Variants in PTGER4 observed in about 807,000 individuals in gnomAD.
PTGER4 encodes prostaglandin E receptor 4, also known as prostaglandin E2 receptor EP4 subtype.
In PTGER4, 11 loss-of-function variants were observed where a neutral mutation model predicts 33.2. That is an observed-to-expected ratio of 0.33 (90% CI 0.21 to 0.55). The LOEUF (loss-of-function observed/expected upper bound fraction) is 0.55, where lower values mean the gene tolerates loss of function less well. Ranked by LOEUF, PTGER4 falls within the 20% of genes least tolerant of loss-of-function variation. The pLI, the probability that PTGER4 is intolerant of heterozygous loss-of-function variation, is 0.92. For missense variants in PTGER4, 481 were observed against 650.2 expected (o/e 0.74, Z 2.83); for synonymous variants, 275 against 281.5 (o/e 0.98, Z 0.23).
chr5:40,738,557 TAAAATAAAATATAAA>T, the PTGER4 span, among the ~76,000 whole-genome samples: 1 of 129,856 alleles, frequency 7.7e-6, no homozygotes, highest in African/African-American at 2.8e-5. Context: ...TAAAATAAAA[TAAAATAAAATATAAA>T]ATAAAATAAA....
At chr5:40,690,937 G>T (rs943312643) in intron 2 of PTGER4, among the ~76,000 whole-genome samples, 10 of 152,214 alleles carry the variant, frequency 6.6e-5, no homozygotes, top group Non-Finnish European at 1.5e-4. Context: ...CTCTAGGGAA[G>T]ATAATCATAA....
At chr5:40,725,123 C>T in the PTGER4 span, among the ~76,000 whole-genome samples, 1 of 151,586 alleles carries the variant, frequency 6.6e-6, no homozygotes, top group African/African-American at 2.4e-5. Context: ...GCTGGGATTA[C>T]AGGCATGAGC....
At chr5:40,688,235 CT>C (rs1741376484) in intron 2 of PTGER4, among the ~76,000 whole-genome samples, 1 of 152,110 alleles carries the variant, frequency 6.6e-6, no homozygotes, top group Non-Finnish European at 1.5e-5. Flanking sequence ...CAGGTTCAGA[CT>C]TAACCAAAAT....
At chr5:40,715,450 A>C in the PTGER4 span, 1 of 152,340 alleles carries the variant, frequency 6.6e-6, no homozygotes, top group African/African-American at 2.4e-5. Flanking sequence ...CAATTAAAAA[A>C]TAAAACCATC....
the PTGER4 span, among the ~76,000 whole-genome samples, chr5:40,712,755 A>C: frequency 6.6e-6 from 1 of 152,142 alleles, no homozygotes; most frequent in African/African-American, 2.4e-5. Flanking sequence ...AAGTGAGAGA[A>C]AGAGATTAGA....
intron 2 of PTGER4, among the ~76,000 whole-genome samples, chr5:40,688,614 C>T (rs1741389478): frequency 6.6e-6 from 1 of 152,206 alleles, no homozygotes; most frequent in African/African-American, 2.4e-5. Context: ...TCCTAAGTTC[C>T]TCAAAACCTC....
the PTGER4 span, among the ~76,000 whole-genome samples, chr5:40,725,403 A>C: frequency 6.6e-6 from 1 of 152,228 alleles, no homozygotes; most frequent in Non-Finnish European, 1.5e-5. Flanking sequence ...AAATGATGCA[A>C]CTGAAATTTC....
At chr5:40,743,914 A>T in the PTGER4 span, among the ~76,000 whole-genome samples, 1 of 152,222 alleles carries the variant, frequency 6.6e-6, no homozygotes, top group Non-Finnish European at 1.5e-5. Context: ...GTTTTAGTGA[A>T]ATGACTCAAT....
chr5:40,686,989 A>T (rs1015420178), intron 2 of PTGER4, among the ~76,000 whole-genome samples: 3 of 152,160 alleles, frequency 2.0e-5, no homozygotes, highest in Non-Finnish European at 2.9e-5. Context: ...AAAGACTTAA[A>T]ATTGGAAGAA....
the PTGER4 span, chr5:40,730,435 T>G: frequency 1.0e-6 from 1 of 967,190 alleles, no homozygotes; most frequent in Non-Finnish European, 1.6e-6. Context: ...AATATAAAAT[T>G]TACCATCTTA....
At chr5:40,722,924 C>G in the PTGER4 span, among the ~76,000 whole-genome samples, 1 of 152,174 alleles carries the variant, frequency 6.6e-6, no homozygotes, top group Admixed American at 6.5e-5. Context: ...AGCCGCCACC[C>G]CATCTGGGAG....
At chr5:40,697,030 AGAAGGAAAGAAAG>A (rs1306670669), downstream of PTGER4, among the ~76,000 whole-genome samples, 1 of 149,864 alleles carries the variant, frequency 6.7e-6, no homozygotes, top group Non-Finnish European at 1.5e-5. Context: ...GAGAAAACAA[AGAAGGAAAGAAAG>A]GAAGGAAGGA....
At chr5:40,708,479 C>G in the PTGER4 span, among the ~76,000 whole-genome samples, 1 of 152,054 alleles carries the variant, frequency 6.6e-6, no homozygotes, top group Non-Finnish European at 1.5e-5. Flanking sequence ...AAGACTAAAC[C>G]AGGAAGAAGT....
chr5:40,681,885 A>C lies in PTGER4; in HGVS notation c.867+25A>C. ...GGTGAGTGACCGGGGCTGGGGCCCTACTCGGCCTTTTTCTCGCATCCACCT... is the reference window on the plus strand; with the variant it reads ...GGTGAGTGACCGGGGCTGGGGCCCTCCTCGGCCTTTTTCTCGCATCCACCT... On this transcript the variant is annotated intron_variant, in intron 2 of 2. Coordinates refer to ENST00000302472, the MANE Select transcript of PTGER4 (RefSeq NM_000958.3). This position sits in a 1 kb window ranked among gnomAD's most constrained non-coding sequence, Gnocchi z 9.8. 2.0e-6 allele frequency: 3 copies of C among 1,475,672 alleles called. No individual in the cohort carries two copies. Among genetic ancestry groups the C allele is most frequent in the Non-Finnish European group, 2.7e-6 (3 of 1,117,016 alleles). The allele number at this position is 1,475,672 out of a possible 1,614,324, so 91.4% of individuals were successfully genotyped here. A position where few individuals can be genotyped will look rare whatever the true frequency, so the allele number is the denominator to read the frequency against.
At chr5:40,735,367 T>C in the PTGER4 span, among the ~76,000 whole-genome samples, 2 of 152,046 alleles carry the variant, frequency 1.3e-5, no homozygotes, top group East Asian at 3.9e-4. Context: ...TAGATAAGGA[T>C]AGAAGTGAAA....
At chr5:40,729,180 T>C in the PTGER4 span, among the ~76,000 whole-genome samples, 1 of 152,202 alleles carries the variant, frequency 6.6e-6, no homozygotes, top group Non-Finnish European at 1.5e-5. Context: ...ATATACATAT[T>C]TAAGATTGAA....
At chr5:40,685,411 A>T in intron 2 of PTGER4, 1 of 985,466 alleles carries the variant, frequency 1.0e-6, no homozygotes, top group Non-Finnish European at 1.2e-6. Flanking sequence ...AAGTGGAGTC[A>T]TAAAACAACT....
chr5:40,708,247 G>A, the PTGER4 span, among the ~76,000 whole-genome samples: 2 of 152,080 alleles, frequency 1.3e-5, no homozygotes, highest in African/African-American at 4.8e-5. Context: ...CCAGGAGCTG[G>A]CTTTTTGAAA....
chr5:40,742,100 G>GT, the PTGER4 span, among the ~76,000 whole-genome samples: 96 of 148,908 alleles, frequency 6.4e-4, 1 homozygote, highest in South Asian at 9.2e-3. Context: ...GTTGAAAACA[G>GT]TTTTTTTTTT....
Sources: gnomAD v4.1 joint callset for allele counts (sites outside exome capture counted in the v4.1 genomes callset) on GRCh38, gnomAD v4.1.1 for gene constraint, Gnocchi (gnomAD v3.1) non-coding constraint, MANE v1.5 for transcripts, NCBI Gene and HGNC (gene_info 2026-07-23, HGNC 2026-07-21) for gene names.